INTS9: variants seen among roughly 807,000 people sequenced by gnomAD.
INTS9 encodes the protein integrator complex subunit 9, also known as protein related to CPSF subunits of 74 kDa.
A neutral mutation model predicts 79.7 loss-of-function variants in INTS9; 55 were observed. The observed-to-expected ratio is 0.69, with a 90% CI of 0.56 to 0.86. The LOEUF (loss-of-function observed/expected upper bound fraction) is 0.86. INTS9 is among the 40% of genes least tolerant of loss of function. The pLI is 0.00. For missense variants in INTS9, 721 were observed against 831.5 expected (o/e 0.87, Z 1.64); for synonymous variants, 319 against 325.2 (o/e 0.98, Z 0.20).
intron 1 of INTS9, among the ~76,000 whole-genome samples, chr8:28,861,660 T>G (rs184294086): frequency 6.6e-6 from 1 of 152,326 alleles, no homozygotes; most frequent in African/African-American, 2.4e-5. Context: ...GACAAAATAT[T>G]TTTTGTCTTC....
At chr8:28,878,900 A>G (rs1410501545) in intron 1 of INTS9, among the ~76,000 whole-genome samples, 1 of 151,678 alleles carries the variant, frequency 6.6e-6, no homozygotes, top group Non-Finnish European at 1.5e-5. Flanking sequence ...GAATCGCTTG[A>G]GCCCGGGAGG....
chr8:28,783,016 G>A (rs756928237), intron 11 of INTS9, among the ~76,000 whole-genome samples: 22 of 152,052 alleles, frequency 1.4e-4, no homozygotes, highest in East Asian at 1.2e-3. Flanking sequence ...GCCTGGTGGC[G>A]GACACCTGTA....
At chr8:28,773,479 AAAT>A (rs1802685049) in intron 14 of INTS9, among the ~76,000 whole-genome samples, 2 of 151,540 alleles carry the variant, frequency 1.3e-5, no homozygotes, top group African/African-American at 4.9e-5. Context: ...AAAAAAAAAA[AAAT>A]CTATGAAAAA....
In INTS9 at chr8:28,768,245, G is replaced by A; in HGVS notation, c.1878C>T (p.Ile626=). ...TATGGGTCGAGTCTTCTTCAATCTG[G>A]ATGAGCGTCTCAGCCTCCTGGAGCA... ...IVLLQEAETL[I]QIEEDSTHII... Residue 626 remains isoleucine (I), a synonymous_variant, in exon 17 of 17, where the codon ATC becomes ATT. Coordinates refer to ENST00000521022, the MANE Select transcript of INTS9 (RefSeq NM_018250.4). 6.2e-7 allele frequency: 1 copy of A among 1,614,120 alleles called. No homozygotes were observed. Among genetic ancestry groups the A allele is most frequent in the Non-Finnish European group, 8.5e-7 (1 of 1,180,016 alleles).
chr8:28,775,632 G>C (rs1362983040), intron 14 of INTS9, 127 bp downstream of exon 14: 1 of 1,023,326 alleles, frequency 9.8e-7, no homozygotes, highest in Non-Finnish European at 1.4e-6. Flanking sequence ...GATTATAGGC[G>C]TGAGCTACTG....
chr8:28,797,684 T>C (rs918661665), intron 8 of INTS9, among the ~76,000 whole-genome samples: 41 of 152,154 alleles, frequency 2.7e-4, no homozygotes, highest in Non-Finnish European at 5.3e-4. Flanking sequence ...TGAGGGCCCA[T>C]GGATTGAGAA....
chr8:28,876,568 A>G (rs987411666), intron 1 of INTS9, among the ~76,000 whole-genome samples: 4 of 152,226 alleles, frequency 2.6e-5, no homozygotes, highest in Non-Finnish European at 5.9e-5. Flanking sequence ...CAGTCACCTG[A>G]TAAGTTTAAA....
At chr8:28,815,829 T>C (rs188897889) in intron 6 of INTS9, among the ~76,000 whole-genome samples, 15 of 152,204 alleles carry the variant, frequency 9.9e-5, no homozygotes, top group African/African-American at 2.4e-4. Context: ...AATATTCAAT[T>C]ACTAAATACT....
At chr8:28,806,194 T>C (rs1293773373) in intron 8 of INTS9, among the ~76,000 whole-genome samples, 1 of 152,186 alleles carries the variant, frequency 6.6e-6, no homozygotes, top group Non-Finnish European at 1.5e-5. Context: ...TGCACCATTG[T>C]GCTCTAGCCT....
At chr8:28,825,916 C>T (rs1806116610) in intron 6 of INTS9, among the ~76,000 whole-genome samples, 1 of 152,176 alleles carries the variant, frequency 6.6e-6, no homozygotes, top group African/African-American at 2.4e-5. Flanking sequence ...GAATCTTTCC[C>T]ATCTTTCCTT....
At chr8:28,826,464 G>A (rs1407963392) in intron 6 of INTS9, among the ~76,000 whole-genome samples, 3 of 152,154 alleles carry the variant, frequency 2.0e-5, no homozygotes, top group East Asian at 3.9e-4. Flanking sequence ...AAGCCAAGCC[G>A]TCCCACTGCC....
At position 28,840,319 on chromosome 8, in the gene INTS9, T is replaced by C. The variant is rs1279107993; in HGVS notation, c.262-2543A>G. Among the ~76,000 whole-genome samples the C allele has an allele frequency of 6.1e-4, 91 of 149,332 alleles. 1 individual carries two copies. The highest frequency in any genetic ancestry group is 4.7e-3 in the Admixed American group (70 of 15,050). On this transcript the variant is annotated intron_variant, in intron 4 of 16. Coordinates refer to ENST00000521022, the MANE Select transcript of INTS9 (RefSeq NM_018250.4). Reference sequence around the variant, plus strand: ...GGGTGCTGGAGAGGATGTGGAGAAATAGGAACACTTTTACACTGTTGGTGG... The same window carrying C: ...GGGTGCTGGAGAGGATGTGGAGAAACAGGAACACTTTTACACTGTTGGTGG...
chr8:28,858,735 C>T (rs775264498), intron 2 of INTS9, among the ~76,000 whole-genome samples: 8 of 152,126 alleles, frequency 5.3e-5, no homozygotes, highest in Non-Finnish European at 1.0e-4. Context: ...AGAAAGCTTA[C>T]CCAGCTTACT....
chr8:28,840,531 T>G (rs1807114144), intron 4 of INTS9, among the ~76,000 whole-genome samples: 1 of 121,776 alleles, frequency 8.2e-6, no homozygotes, highest in East Asian at 2.4e-4. Context: ...AGCAAAGACT[T>G]GGAACCAACC....
chr8:28,837,893 T>C, intron 4 of INTS9, 117 bp from the exon 5 acceptor site: 2 of 971,020 alleles, frequency 2.1e-6, no homozygotes, highest in Non-Finnish European at 1.5e-6. Flanking sequence ...AGAATAATGA[T>C]GGCTTTCCTG....
At chr8:28,845,607 G>A (rs1364121454) in intron 4 of INTS9, among the ~76,000 whole-genome samples, 1 of 152,184 alleles carries the variant, frequency 6.6e-6, no homozygotes, top group African/African-American at 2.4e-5. Context: ...AGTAGTTGGC[G>A]TGACACGTGG....
chr8:28,871,263 T>C (rs1034292704), intron 1 of INTS9, among the ~76,000 whole-genome samples: 2 of 152,208 alleles, frequency 1.3e-5, no homozygotes, highest in African/African-American at 4.8e-5. Context: ...GGGAGAGCCA[T>C]ACTTACTGGA....
intron 6 of INTS9, among the ~76,000 whole-genome samples, chr8:28,833,219 A>C (rs1220028216): frequency 6.6e-6 from 1 of 152,214 alleles, no homozygotes; most frequent in Non-Finnish European, 1.5e-5. Context: ...TCTAATGTTG[A>C]AATAAGCAGA....
chr8:28,881,165 G>A (rs1356705679), intron 1 of INTS9, among the ~76,000 whole-genome samples: 1 of 148,910 alleles, frequency 6.7e-6, no homozygotes, highest in Non-Finnish European at 1.5e-5. Context: ...CCCCGTCCGG[G>A]AGGTGAGGGG....
Sources: allele counts gnomAD v4.1 joint callset (sites outside exome capture counted in the v4.1 genomes callset), GRCh38; gene constraint gnomAD v4.1.1; transcripts MANE v1.5; gene names NCBI Gene and HGNC (gene_info 2026-07-23, HGNC 2026-07-21).